Variants in PSMD2 observed in about 807,000 individuals in gnomAD.
PSMD2 encodes the protein proteasome 26S subunit ubiquitin receptor, non-ATPase 2.
A neutral mutation model predicts 101.5 loss-of-function variants in PSMD2; 8 were observed. The ratio of observed to expected loss-of-function variants is 0.08; its 90% confidence interval spans 0.05 to 0.14. The LOEUF (loss-of-function observed/expected upper bound fraction) is 0.14, where lower values mean the gene tolerates loss of function less well. Ranked by LOEUF, PSMD2 falls within the 10% of genes least tolerant of loss-of-function variation. PSMD2 has a pLI of 1.00. For synonymous variants in PSMD2, 418 were observed against 433.8 expected, an observed-to-expected ratio of 0.96 and a Z score of 0.45; for missense variants, 784 against 1,147.4, an observed-to-expected ratio of 0.68 and a Z score of 4.58.
Position 184,300,377 on chromosome 3 carries a change from A to C in PSMD2, c.290A>C (p.Lys97Thr). Reference sequence around the variant, plus strand: ...ATGACTTCAGTGCCCAAGCCTCTCAAATTTCTGCGTCCACACTATGGCAAA... The same window carrying C: ...ATGACTTCAGTGCCCAAGCCTCTCACATTTCTGCGTCCACACTATGGCAAA... ...TSMTSVPKPL[K>T]FLRPHYGKLK... Residue 97 changes from lysine (K) to threonine (T), a missense_variant, in exon 3 of 21, where the codon AAA becomes ACA. Physicochemically the swap from Lys to Thr is moderately conservative, Grantham distance 78. This residue lies in a region of PSMD2 where 196 missense variants were observed against 182.4 expected (regional missense o/e 1.07). Coordinates refer to ENST00000310118, the MANE Select transcript of PSMD2 (RefSeq NM_002808.5). 6.2e-7 allele frequency: 1 copy of C among 1,614,100 alleles called. No individual in the cohort carries two copies. The highest frequency in any genetic ancestry group is 8.5e-7 in the Non-Finnish European group (1 of 1,179,962).
chr3:184,304,497 C>T lies in PSMD2; in HGVS notation c.1539+106C>T. The stretch of plus-strand genomic sequence containing the variant: ...AAGTAAGTGTGTGCATGTGTGCATA[C>T]ATGTACATGCCTGTTGGTGTGTATT... On this transcript the variant is annotated intron_variant, in intron 12 of 20. Transcript: ENST00000310118. The surrounding 1 kb of genome is among the most constrained non-coding windows in gnomAD (Gnocchi z 4.1). 8.8e-7 allele frequency: 1 copy of T among 1,135,232 alleles called. No individual in the cohort carries two copies. The highest frequency in any genetic ancestry group is 1.3e-6 in the Non-Finnish European group (1 of 756,158). 70.3% of individuals were successfully genotyped at this position (1,135,232 alleles called of 1,614,324 possible). A position where few individuals can be genotyped will look rare whatever the true frequency, so the allele number is the denominator to read the frequency against.
rs1399190128 is a variant in PSMD2, at chr3:184,308,065, C to A, written c.2425+49C>A. The A allele has an allele frequency of 6.2e-7, 1 of 1,603,800 alleles. No individual in the cohort carries two copies. The stretch of plus-strand genomic sequence containing the variant: ...TATCATAGCATGCAGGGCTCTGACT[C>A]CACCCTTTCCAGGGCCACTTTGATA... On this transcript the variant is annotated intron_variant, in intron 19 of 20. Transcript: ENST00000310118. This position sits in a 1 kb window ranked among gnomAD's most constrained non-coding sequence, Gnocchi z 6.0.
chr3:184,304,585 C>A lies in PSMD2; in HGVS notation c.1539+194C>A, dbSNP rs1026448804. ...TTCTAAGCCTCTGGTGGTTTTAAGGCTAAAGAGTTAACATTTTAGGCCTGG... is the reference window on the plus strand; with the variant it reads ...TTCTAAGCCTCTGGTGGTTTTAAGGATAAAGAGTTAACATTTTAGGCCTGG... On this transcript the variant is annotated intron_variant, in intron 12 of 20. Transcript: ENST00000310118. This position sits in a 1 kb window ranked among gnomAD's most constrained non-coding sequence, Gnocchi z 4.1. Among the ~76,000 whole-genome samples, 1 of 152,160 alleles carries A rather than the reference C, an allele frequency of 6.6e-6. No individual in the cohort carries two copies. The highest frequency in any genetic ancestry group is 6.6e-5 in the Admixed American group (1 of 15,262).
chr3:184,306,122 G>A lies in PSMD2; in HGVS notation c.1771G>A (p.Ala591Thr). The part of the protein sequence containing the change: ...EVVSEPFRSF[A>T]NTLVDVCAYA... ...TGTGTCAGAGCCATTCCGCAGTTTT[G>A]CCAACACACTGGTGGATGTGTGTGC... The change falls in exon 14 of 21, where the codon GCC (alanine) becomes ACC (threonine). Residue 591 changes from alanine to threonine, a missense_variant. Transcript: ENST00000310118. 1 of 1,614,162 alleles carries A rather than the reference G, an allele frequency of 6.2e-7. No individual in the cohort carries two copies. Among genetic ancestry groups the A allele is most frequent in the Non-Finnish European group, 8.5e-7 (1 of 1,180,028 alleles).
chr3:184,308,505 C>T lies in PSMD2; in HGVS notation c.2482C>T (p.Arg828Ter). Residue 828 changes from arginine to a stop codon, truncating the protein, a stop_gained, in exon 20 of 21, where the codon CGA (arginine) becomes TGA (stop). Transcript: ENST00000310118. LOFTEE classifies it high-confidence loss of function. This position sits in a 1 kb window ranked among gnomAD's most constrained non-coding sequence, Gnocchi z 6.0. ...TGGGCTGGTGGCTGCCATGCAGCCC[C>T]GAATGCTGGTTACGTTTGATGAGGA... ...LYGLVAAMQP[R>*]MLVTFDEELR... The T allele has an allele frequency of 6.2e-7, 1 of 1,613,050 alleles. No individual in the cohort carries two copies.
At position 184,302,943 on chromosome 3, in the gene PSMD2, A is replaced by G. The variant is rs1055288495; in HGVS notation, c.1009-59A>G. 8 of 1,610,726 alleles carry G rather than the reference A, an allele frequency of 5.0e-6. No homozygotes were observed. The African/African-American group carries it at 1.1e-4, about 22-fold the overall frequency. On this transcript the variant is annotated intron_variant, in intron 7 of 20. Coordinates refer to ENST00000310118, the MANE Select transcript of PSMD2 (RefSeq NM_002808.5). ...TAGAATTGCCATTCAGTGGGATAGC[A>G]GAAGGGACAGCTGGGGGAGTTCTAG...
intron 3 of PSMD2, chr3:184,300,686 G>A (rs1003793554): frequency 5.6e-6 from 7 of 1,249,136 alleles, no homozygotes; most frequent in South Asian, 2.4e-5. Context: ...TACTTTTAAC[G>A]TATGTTTAAC....
Position 184,307,687 on chromosome 3 carries a change from C to T in PSMD2, c.2277C>T (p.Leu759=), listed in dbSNP as rs1721879648. 1.2e-6 allele frequency: 2 copies of T among 1,614,066 alleles called. No homozygotes were observed. The highest frequency in any genetic ancestry group is 2.7e-5 in the African/African-American group (2 of 74,932). ...AQYHAKDPNN[L]FMVRLAQGLT... ...ATCATGCCAAGGACCCAAACAACCT[C>T]TTCATGGTGCGCTTGGCACAGGTAA... Residue 759 remains leucine, a synonymous_variant, in exon 18 of 21, where the codon CTC becomes CTT. Coordinates refer to ENST00000310118, the MANE Select transcript of PSMD2 (RefSeq NM_002808.5).
intron 2 of PSMD2, 105 bp downstream of exon 2, chr3:184,300,012 C>A: frequency 9.1e-7 from 1 of 1,097,836 alleles, no homozygotes; most frequent in South Asian, 1.3e-5. Flanking sequence ...ATTTTAGGGT[C>A]AGTGTTATGA....
rs1025794096 is a variant in PSMD2, at chr3:184,304,182, G to T, written c.1451+108G>T. Reference sequence around the variant, plus strand: ...GCCAAGGGCTACCACTGTGCCTATTGGGTATCTGGCTCTTGGTGAATGTTT... The same window carrying T: ...GCCAAGGGCTACCACTGTGCCTATTTGGTATCTGGCTCTTGGTGAATGTTT... On this transcript the variant is annotated intron_variant, in intron 11 of 20. Transcript: ENST00000310118. This position sits in a 1 kb window ranked among gnomAD's most constrained non-coding sequence, Gnocchi z 4.1. The T allele has an allele frequency of 1.3e-6, 2 of 1,553,278 alleles. No homozygotes were observed. Among genetic ancestry groups the T allele is most frequent in the African/African-American group, 1.4e-5 (1 of 73,632 alleles).
Sources: gnomAD v4.1 joint callset for allele counts (sites outside exome capture counted in the v4.1 genomes callset) on GRCh38, gnomAD v4.1.1 for gene constraint, gnomAD v4.1.1 regional missense constraint, Gnocchi (gnomAD v3.1) non-coding constraint, MANE v1.5 for transcripts, NCBI Gene and HGNC (gene_info 2026-07-23, HGNC 2026-07-21) for gene names.